Variants in ZBTB10 observed in about 807,000 individuals in gnomAD.
The protein encoded by ZBTB10 is zinc finger and BTB domain-containing protein 10.
Under a neutral mutation model 76.4 loss-of-function variants are expected in ZBTB10, and 32 were observed. The ratio of observed to expected loss-of-function variants is 0.42; its 90% CI spans 0.32 to 0.56. The LOEUF (loss-of-function observed/expected upper bound fraction) is 0.56. ZBTB10 is among the 20% of genes least tolerant of loss of function. The probability of loss-of-function intolerance (pLI) is 0.14; values close to 1 mark genes in which losing one functional copy is unlikely to be tolerated. For missense variants in ZBTB10, 1,057 were observed against 1,098.5 expected, an observed-to-expected ratio of 0.96 and a Z score of 0.53; for synonymous variants, 523 against 432.9, an observed-to-expected ratio of 1.21 and a Z score of -2.58.
At chr8:80,510,262 G>A (rs1026199499) in intron 2 of ZBTB10, among the ~76,000 whole-genome samples, 2 of 152,154 alleles carry the variant, frequency 1.3e-5, no homozygotes, top group African/African-American at 4.8e-5. Flanking sequence ...TTCTGCACTC[G>A]TGTTCCCAGC....
intron 1 of ZBTB10, among the ~76,000 whole-genome samples, chr8:80,492,953 C>G (rs1050105647): frequency 6.6e-6 from 1 of 151,898 alleles, no homozygotes; most frequent in African/African-American, 2.4e-5. Context: ...GTGGTTCATG[C>G]CTGTAATCCC....
At chr8:80,513,787 G>A (rs1336887471) in intron 2 of ZBTB10, 123 bp from the exon 3 acceptor site, 10 of 735,614 alleles carry the variant, frequency 1.4e-5, no homozygotes, top group Non-Finnish European at 2.3e-5. Context: ...ATTGAACACA[G>A]TAGATAATTC....
chr8:80,486,016 C>T, upstream of ZBTB10: 1 of 1,068,518 alleles, frequency 9.4e-7, no homozygotes, highest in Non-Finnish European at 1.3e-6. Context: ...CCTTTTGTCC[C>T]CAACCCCTCG....
Position 80,486,712 on chromosome 8 carries a change from G to C in ZBTB10, c.-99G>C. ...CCCGCGAGACCGGAACGCCGGGGGC[G>C]GGGGCGAGACAGAGGGGGAGCCGCG... On this transcript the variant is annotated 5_prime_UTR_variant, in exon 1 of 6. Transcript: ENST00000455036. 3.0e-6 allele frequency: 3 copies of C among 999,130 alleles called. No homozygotes were observed. The highest frequency in any genetic ancestry group is 3.6e-6 in the Non-Finnish European group (3 of 839,600). The allele number at this position is 999,130 out of a possible 1,614,324, so 61.9% of individuals were successfully genotyped here. A position where few individuals can be genotyped will look rare whatever the true frequency, so the allele number is the denominator to read the frequency against.
chr8:80,513,983 C>T lies in ZBTB10; in HGVS notation c.1935C>T (p.Gly645=), dbSNP rs1370770020. 3.1e-6 allele frequency: 5 copies of T among 1,613,424 alleles called. No homozygotes were observed. The highest frequency in any genetic ancestry group is 1.1e-5 in the South Asian group (1 of 90,998). ...ATGCAAATTTATTGGCTGAAGCTGGCACTAGTCAAGATGGAGGTGATGCTG... is the reference window on the plus strand; with the variant it reads ...ATGCAAATTTATTGGCTGAAGCTGGTACTAGTCAAGATGGAGGTGATGCTG... ...NVNANLLAEA[G]TSQDGGDAGT... Residue 645 remains glycine (G), a synonymous_variant, in exon 3 of 6, where the codon GGC becomes GGT. Coordinates refer to ENST00000455036, the MANE Select transcript of ZBTB10 (RefSeq NM_001105539.3).
In ZBTB10 at chr8:80,500,080, G is replaced by A; in HGVS notation, c.1559G>A (p.Gly520Asp). The A allele has an allele frequency of 1.2e-6, 2 of 1,613,964 alleles. No individual in the cohort carries two copies. The highest frequency in any genetic ancestry group is 1.1e-5 in the South Asian group (1 of 91,074). ...LASNVKIEND[G>D]CNVDEGQIEN... The stretch of plus-strand genomic sequence containing the variant: ...AGTAATGTAAAGATTGAAAATGATG[G>A]TTGTAATGTCGACGAGGGCCAAATA... Residue 520 changes from glycine to aspartate, a missense_variant, in exon 2 of 6, where the codon GGT becomes GAT. Coordinates refer to ENST00000455036, the MANE Select transcript of ZBTB10 (RefSeq NM_001105539.3).
intron 1 of ZBTB10, among the ~76,000 whole-genome samples, chr8:80,493,297 G>C (rs1015529519): frequency 1.3e-5 from 2 of 151,956 alleles, no homozygotes; most frequent in Non-Finnish European, 2.9e-5. Flanking sequence ...TTTGGTTGCT[G>C]TGCAGGATGA....
At chr8:80,496,424 A>G (rs1393425095) in intron 1 of ZBTB10, among the ~76,000 whole-genome samples, 1 of 147,918 alleles carries the variant, frequency 6.8e-6, no homozygotes, top group Non-Finnish European at 1.5e-5. Context: ...CATATGGAAT[A>G]GTGCTTTAAT....
At chr8:80,504,000 G>C (rs892485900) in intron 2 of ZBTB10, among the ~76,000 whole-genome samples, 1 of 152,160 alleles carries the variant, frequency 6.6e-6, no homozygotes, top group Non-Finnish European at 1.5e-5. Context: ...AACATAGCCT[G>C]TGTTTACCAA....
At position 80,520,340 on chromosome 8, in the gene ZBTB10, CTA is replaced by C. The variant is rs1472289164; in HGVS notation, c.*816_*817del. 2 of 152,486 alleles carry C rather than the reference CTA, an allele frequency of 1.3e-5. No individual in the cohort carries two copies. The highest frequency in any genetic ancestry group is 2.9e-5 in the Non-Finnish European group (2 of 67,950). 9.4% of individuals were successfully genotyped at this position (152,486 alleles called of 1,614,324 possible). ...GCTGCTCTAATCTGATAAATGGTTA[CTA>C]TATGATATTTTCTGACATGGTATTT... On this transcript the variant is annotated 3_prime_UTR_variant, in exon 6 of 6. Coordinates refer to ENST00000455036, the MANE Select transcript of ZBTB10 (RefSeq NM_001105539.3).
At chr8:80,512,225 G>A (rs767500030) in intron 2 of ZBTB10, among the ~76,000 whole-genome samples, 2 of 152,126 alleles carry the variant, frequency 1.3e-5, no homozygotes, top group Non-Finnish European at 2.9e-5. Flanking sequence ...CAGCCTGGTG[G>A]AATATCCTTA....
upstream of ZBTB10, chr8:80,485,943 G>GC: frequency 1.3e-6 from 2 of 1,493,220 alleles, no homozygotes; most frequent in Non-Finnish European, 9.0e-7. Context: ...TTTGTCCTCC[G>GC]CGTAGCCCGG....
intron 3 of ZBTB10, among the ~76,000 whole-genome samples, chr8:80,515,136 C>T (rs927386177): frequency 8.6e-5 from 13 of 152,028 alleles, no homozygotes; most frequent in African/African-American, 3.1e-4. Flanking sequence ...ATTTCTTATA[C>T]GGTGGTTATC....
rs1318757614 is a variant in ZBTB10 at position 80,487,284 on chromosome 8, G to T, written c.474G>T (p.Pro158=). The T allele has an allele frequency of 6.5e-7, 1 of 1,549,818 alleles. No homozygotes were observed. The highest frequency in any genetic ancestry group is 1.2e-5 in the South Asian group (1 of 84,108). The change falls in exon 1 of 6, where the codon CCG becomes CCT. Residue 158 remains proline, a synonymous_variant. Transcript: ENST00000455036. ...WPLRHFNGRG[P]ATVDLELDAL... The stretch of plus-strand genomic sequence containing the variant: ...TGAGGCATTTCAATGGGCGAGGGCC[G>T]GCGACTGTGGATCTGGAGCTGGACG...
At chr8:80,494,627 A>G (rs1322526446) in intron 1 of ZBTB10, among the ~76,000 whole-genome samples, 1 of 152,118 alleles carries the variant, frequency 6.6e-6, no homozygotes, top group African/African-American at 2.4e-5. Context: ...CCCTATTAAC[A>G]GTAGCTTTCC....
chr8:80,505,512 T>G (rs761680107), intron 2 of ZBTB10, among the ~76,000 whole-genome samples: 1 of 152,226 alleles, frequency 6.6e-6, no homozygotes, highest in Non-Finnish European at 1.5e-5. Context: ...TTTAGAATTC[T>G]TTTAAATAAC....
rs773074047 is a variant in ZBTB10 at position 80,517,871 on chromosome 8, C to CTTTTTTTTTTTTT, written c.1961-519_1961-507dup. On this transcript the variant is annotated intron_variant, in intron 3 of 5. Coordinates refer to ENST00000455036, the MANE Select transcript of ZBTB10 (RefSeq NM_001105539.3). ...CATGTTTTTTTCTCCCGCCCGCCAC[C>CTTTTTTTTTTTTT]TTTTTTTTTTTTTTTTTTTTTTTTT... Among the ~76,000 whole-genome samples the CTTTTTTTTTTTTT allele has an allele frequency of 1.6e-3, 124 of 76,838 alleles. 8 individuals are homozygous for CTTTTTTTTTTTTT. The highest frequency in any genetic ancestry group is 2.4e-3 in the African/African-American group (39 of 16,580). The allele number at this position is 76,838 out of a possible 152,430, so 50.4% of individuals were successfully genotyped here. A position where few individuals can be genotyped will look rare whatever the true frequency, so the allele number is the denominator to read the frequency against.
intron 2 of ZBTB10, among the ~76,000 whole-genome samples, chr8:80,504,246 A>C (rs1337392037): frequency 6.6e-6 from 1 of 152,170 alleles, no homozygotes; most frequent in Non-Finnish European, 1.5e-5. Context: ...AATGCTTTTA[A>C]ATAAATTTGA....
At chr8:80,486,129 C>G (rs1815441282), upstream of ZBTB10, 1 of 448,234 alleles carries the variant, frequency 2.2e-6, no homozygotes, top group Non-Finnish European at 3.9e-6. Flanking sequence ...CAGCCCAGCC[C>G]CAAGCCCAGC....
Sources: allele counts gnomAD v4.1 joint callset (sites outside exome capture counted in the v4.1 genomes callset), GRCh38; gene constraint gnomAD v4.1.1; transcripts MANE v1.5; gene names NCBI Gene and HGNC (gene_info 2026-07-23, HGNC 2026-07-21).